Variants in OTOGL observed in about 807,000 individuals in gnomAD.
OTOGL encodes otogelin like.
In OTOGL, 285 loss-of-function variants were observed where a neutral mutation model predicts 318.5. That is an observed-to-expected ratio of 0.89 (90% CI 0.81 to 0.99). The LOEUF is 0.99. OTOGL is among the 50% of genes least tolerant of loss of function. The probability of loss-of-function intolerance (pLI) is 0.00; values close to 1 mark genes in which losing one functional copy is unlikely to be tolerated. For synonymous variants in OTOGL, 987 were observed against 936.5 expected, an observed-to-expected ratio of 1.05 and a Z score of -0.99; for missense variants, 2,899 against 2,845.6, an observed-to-expected ratio of 1.02 and a Z score of -0.43.
rs533289193 is a variant in OTOGL, at chr12:80,195,125, T to C, written c.-19-14288T>C. On this transcript the variant is annotated intron_variant, in intron 1 of 58. Transcript: ENST00000547103. ...GATGTTTATAAGTTTCTTTAGGCTA[T>C]TATAACTAATCTTTGGAATGATTCA... Among the ~76,000 whole-genome samples the C allele has an allele frequency of 4.6e-5, 7 of 152,356 alleles. No individual in the cohort carries two copies. The South Asian group carries it at 1.5e-3, about 32-fold the overall frequency.
At chr12:80,235,108 T>G (rs1042674023) in intron 9 of OTOGL, among the ~76,000 whole-genome samples, 4 of 151,968 alleles carry the variant, frequency 2.6e-5, no homozygotes, top group Middle Eastern at 6.8e-3. Context: ...TTCTTCTGTA[T>G]CAAAGCTTCA....
Position 80,212,005 on chromosome 12 carries a change from A to C in OTOGL, c.168+8A>C, listed in dbSNP as rs1877297891. On this transcript the variant is annotated splice_region_variant and intron_variant, in intron 4 of 58. Coordinates refer to ENST00000547103, the MANE Select transcript of OTOGL (RefSeq NM_001378609.3). ...GCTCTTTTAGCAGCACAGGTAGGTT[A>C]TGCTTCAGGTGGAGAGAGAGGCAGA... 1.3e-6 allele frequency: 2 copies of C among 1,569,744 alleles called. No homozygotes were observed. Among genetic ancestry groups the C allele is most frequent in the African/African-American group, 2.7e-5 (2 of 74,550 alleles).
chr12:80,227,992 A>G (rs1244372849), intron 7 of OTOGL, among the ~76,000 whole-genome samples: 2 of 152,176 alleles, frequency 1.3e-5, no homozygotes, highest in African/African-American at 4.8e-5. Flanking sequence ...TTCCTCTAAT[A>G]GAATACAAGT....
At position 80,267,302 on chromosome 12, in the gene OTOGL, C is replaced by T. The variant is rs764120644; in HGVS notation, c.2440C>T (p.Leu814Phe). ...YRGSVYQPGE[L>F]IPTPSGLCQC... ...GGGCAGTGTTTATCAACCTGGAGAG[C>T]TCATCCCCACACCCTCGGGCTTATG... The change falls in exon 22 of 59, where the codon CTC becomes TTC. Residue 814 changes from leucine to phenylalanine, a missense_variant. Physicochemically the swap from Leu to Phe is conservative, Grantham distance 22 (BLOSUM62 0). Transcript: ENST00000547103. 4 of 1,558,114 alleles carry T rather than the reference C, an allele frequency of 2.6e-6. No homozygotes were observed. Among genetic ancestry groups the T allele is most frequent in the Non-Finnish European group, 3.5e-6 (4 of 1,137,828 alleles).
intron 6 of OTOGL, among the ~76,000 whole-genome samples, chr12:80,221,563 C>T (rs956341260): frequency 3.3e-5 from 5 of 152,090 alleles, no homozygotes; most frequent in African/African-American, 4.8e-5. Flanking sequence ...GCCACCACAC[C>T]AGCCAAATTC....
At chr12:80,336,633 C>T (rs1211822894) in intron 40 of OTOGL, 78 bp downstream of exon 40, 14 of 1,494,250 alleles carry the variant, frequency 9.4e-6, no homozygotes, top group African/African-American at 5.6e-5. Context: ...GGGATTCTCA[C>T]AGGAGGAGGG....
At chr12:80,340,518 A>G (rs1367841093) in intron 43 of OTOGL, among the ~76,000 whole-genome samples, 1 of 152,094 alleles carries the variant, frequency 6.6e-6, no homozygotes, top group Non-Finnish European at 1.5e-5. Context: ...TATGTTTTTT[A>G]TCCTTCTCTA....
At chr12:80,214,212 G>A (rs1169213407) in intron 4 of OTOGL, among the ~76,000 whole-genome samples, 1 of 152,152 alleles carries the variant, frequency 6.6e-6, no homozygotes, top group Non-Finnish European at 1.5e-5. Flanking sequence ...CATAGACTTA[G>A]GTGCAGGTCA....
chr12:80,252,110 C>A lies in OTOGL; in HGVS notation c.1194C>A (p.Asp398Glu). Residue 398 changes from aspartate (D) to glutamate (E), a missense_variant, in exon 13 of 59, where the codon GAC becomes GAA. Coordinates refer to ENST00000547103, the MANE Select transcript of OTOGL (RefSeq NM_001378609.3). ...GTGATGATAGCTTTGTCCATCGGGACTGTATCAGTTGTTGTCCACCAACCT... is the reference window on the plus strand; with the variant it reads ...GTGATGATAGCTTTGTCCATCGGGAATGTATCAGTTGTTGTCCACCAACCT... ...DKCDDSFVHRDCISCCPPTCT... is the reference protein window; with the variant it reads ...DKCDDSFVHRECISCCPPTCT... The A allele has an allele frequency of 6.4e-7, 1 of 1,558,956 alleles. No individual in the cohort carries two copies. Among genetic ancestry groups the A allele is most frequent in the Non-Finnish European group, 8.7e-7 (1 of 1,149,872 alleles).
At chr12:80,249,908 G>A (rs997520961) in intron 11 of OTOGL, among the ~76,000 whole-genome samples, 1 of 152,140 alleles carries the variant, frequency 6.6e-6, no homozygotes, top group Non-Finnish European at 1.5e-5. Flanking sequence ...GCAATATTCG[G>A]GTGGGAGTGA....
Position 80,351,756 on chromosome 12 carries a change from A to G in OTOGL, c.5266-539A>G, listed in dbSNP as rs1345185612. Among the ~76,000 whole-genome samples the G allele has an allele frequency of 2.6e-5, 4 of 152,318 alleles. No individual in the cohort carries two copies. In the East Asian group the frequency reaches 7.7e-4, roughly 29 times the overall value. ...AATAAATATTGTCACATGCTGCATT[A>G]TTTATATTTCAGGTGTCTCTAGATC... On this transcript the variant is annotated intron_variant, in intron 44 of 58. Coordinates refer to ENST00000547103, the MANE Select transcript of OTOGL (RefSeq NM_001378609.3).
chr12:80,328,605 C>CTTT (rs35859327), intron 35 of OTOGL, 60 bp from the exon 36 acceptor site: 56 of 1,026,528 alleles, frequency 5.5e-5, no homozygotes, highest in Non-Finnish European at 7.0e-5. Flanking sequence ...AAATGTAGTC[C>CTTT]TTTTTTTTTT....
At chr12:80,250,027 G>A (rs981799839) in intron 11 of OTOGL, among the ~76,000 whole-genome samples, 7 of 151,888 alleles carry the variant, frequency 4.6e-5, no homozygotes, top group Admixed American at 1.3e-4. Context: ...TTCGGCTCGC[G>A]CACGGTGCGC....
At chr12:80,165,780 T>G (rs993950137) in intron 1 of OTOGL, among the ~76,000 whole-genome samples, 1 of 152,198 alleles carries the variant, frequency 6.6e-6, no homozygotes, top group African/African-American at 2.4e-5. Context: ...TCTTACCCCT[T>G]TAGGCCTAAA....
At chr12:80,278,704 T>G (rs533857427) in intron 25 of OTOGL, among the ~76,000 whole-genome samples, 1 of 151,674 alleles carries the variant, frequency 6.6e-6, no homozygotes, top group African/African-American at 2.4e-5. Flanking sequence ...GCATTTAAAT[T>G]TACTCAAATA....
intron 1 of OTOGL, among the ~76,000 whole-genome samples, chr12:80,106,802 C>G (rs1023660801): frequency 6.6e-6 from 1 of 151,954 alleles, no homozygotes. Context: ...TTATGCCTAT[C>G]CTACTTAGTT....
At chr12:80,361,031 C>T (rs1033979271) in intron 52 of OTOGL, 2 of 151,984 alleles carry the variant, frequency 1.3e-5, no homozygotes, top group Non-Finnish European at 1.5e-5. Flanking sequence ...AAATACAATA[C>T]ATTGTTACTA....
At chr12:80,297,354 C>T (rs1885478283) in intron 27 of OTOGL, among the ~76,000 whole-genome samples, 1 of 142,666 alleles carries the variant, frequency 7.0e-6, no homozygotes. Flanking sequence ...TTTTTTGAGA[C>T]AGAGTCTCAC....
intron 1 of OTOGL, among the ~76,000 whole-genome samples, chr12:80,197,042 C>A (rs1876120667): frequency 6.6e-6 from 1 of 152,172 alleles, no homozygotes; most frequent in Non-Finnish European, 1.5e-5. Context: ...GCTTCATTGG[C>A]ATGATACAAC....
Sources: allele counts gnomAD v4.1 joint callset (sites outside exome capture counted in the v4.1 genomes callset), GRCh38; gene constraint gnomAD v4.1.1; transcripts MANE v1.5; gene names NCBI Gene and HGNC (gene_info 2026-07-23, HGNC 2026-07-21).